Variants in SNRNP48 observed in about 807,000 individuals in gnomAD.
The protein encoded by SNRNP48 is small nuclear ribonucleoprotein U11/U12 subunit 48, also known as U11/U12 small nuclear ribonucleoprotein 48 kDa protein.
A neutral mutation model predicts 47.0 loss-of-function variants in SNRNP48; 43 were observed. The observed-to-expected ratio is 0.92, with a 90% confidence interval of 0.72 to 1.18. The LOEUF (loss-of-function observed/expected upper bound fraction) is 1.18, where lower values mean the gene tolerates loss of function less well. Ranked by LOEUF, SNRNP48 falls within the 50% of genes most tolerant of loss-of-function variation. The pLI is 0.00. For synonymous variants in SNRNP48, 138 were observed against 144.0 expected (o/e 0.96, Z 0.30); for missense variants, 396 against 422.2 (o/e 0.94, Z 0.54).
chr6:7,608,037 A>AT (rs1760164818), intron 8 of SNRNP48, among the ~76,000 whole-genome samples: 1 of 152,244 alleles, frequency 6.6e-6, no homozygotes, highest in African/African-American at 2.4e-5. Context: ...ACTTAAATAC[A>AT]TTAGAAGTCC....
chr6:7,595,079 A>G lies in SNRNP48; in HGVS notation c.384A>G (p.Lys128=). 1 of 1,599,716 alleles carries G rather than the reference A, an allele frequency of 6.3e-7. No individual in the cohort carries two copies. The highest frequency in any genetic ancestry group is 8.5e-7 in the Non-Finnish European group (1 of 1,175,404). The change falls in exon 4 of 9, where the codon AAA becomes AAG. Residue 128 remains lysine, a synonymous_variant. Transcript: ENST00000342415. ...IIKQARTAVG[K]DSDCYNQRIY... ...AACAAGCTAGAACTGCAGTTGGGAA[A>G]GACAGTGATTGTTATAATCAAAGTA...
In SNRNP48 at chr6:7,595,045, A is replaced by G. The variant is rs1030425717; in HGVS notation, c.350A>G (p.Gln117Arg). 3.1e-6 allele frequency: 5 copies of G among 1,597,814 alleles called. No homozygotes were observed. The highest frequency in any genetic ancestry group is 3.4e-6 in the Non-Finnish European group (4 of 1,174,852). ...TTGACAGATAAGGACTCACAATTCC[A>G]GATAATTAAACAAGCTAGAACTGCA... is the stretch of plus-strand genomic sequence containing the variant. ...SITLNKDSQFQIIKQARTAVG... is the reference protein window; with the variant it reads ...SITLNKDSQFRIIKQARTAVG... The change falls in exon 4 of 9, where the codon CAG becomes CGG. Residue 117 changes from glutamine (Q) to arginine (R), a missense_variant. Transcript: ENST00000342415.
intron 1 of SNRNP48, among the ~76,000 whole-genome samples, chr6:7,592,385 T>A (rs1318559226): frequency 5.9e-5 from 9 of 151,910 alleles, no homozygotes; most frequent in Non-Finnish European, 1.2e-4. Flanking sequence ...TTTTTTTTTT[T>A]TTTTAATGAA....
In SNRNP48 at chr6:7,606,136, TAAAAG is replaced by T; in HGVS notation, c.917_921del (p.Arg306LysfsTer5). The stretch of plus-strand genomic sequence containing the variant: ...GAAGGGATAGGAGTAGAAGCCCACA[TAAAAG>T]AAAAAGAAACAAAGATAAGGATAAA... On this transcript the variant is annotated frameshift_variant, in exon 8 of 9. Coordinates refer to ENST00000342415, the MANE Select transcript of SNRNP48 (RefSeq NM_152551.4). LOFTEE classifies it high-confidence loss of function. The T allele has an allele frequency of 6.2e-7, 1 of 1,613,452 alleles. No individual in the cohort carries two copies. Among genetic ancestry groups the T allele is most frequent in the Non-Finnish European group, 8.5e-7 (1 of 1,179,800 alleles).
Position 7,608,849 on chromosome 6 carries a change from TA to T in SNRNP48, c.1000del (p.Arg334GlufsTer8). On this transcript the variant is annotated frameshift_variant, in exon 9 of 9. Transcript: ENST00000342415. LOFTEE classifies it high-confidence loss of function. ...GGGATGGGGAAAGACACCATAGTCA[TA>T]AAAGAAGAAAGCAAAAAATATAAAT... ...ERDGERHHSH[K>X]RRKQKI 1 of 1,525,080 alleles carries T rather than the reference TA, an allele frequency of 6.6e-7. No homozygotes were observed. The highest frequency in any genetic ancestry group is 8.9e-7 in the Non-Finnish European group (1 of 1,120,594). The allele number at this position is 1,525,080 out of a possible 1,614,324, so 94.5% of individuals were successfully genotyped here.
At chr6:7,601,266 A>ATAAT (rs1760013867) in intron 4 of SNRNP48, 70 bp from the exon 5 acceptor site, 1 of 1,265,162 alleles carries the variant, frequency 7.9e-7, no homozygotes, top group Admixed American at 2.8e-5. Flanking sequence ...ATGTTTAAAG[A>ATAAT]TAATTATTAG....
chr6:7,605,052 G>A (rs943130882), intron 6 of SNRNP48, among the ~76,000 whole-genome samples: 3 of 151,542 alleles, frequency 2.0e-5, no homozygotes, highest in Admixed American at 1.3e-4. Flanking sequence ...TCTCGATCTC[G>A]ATCTGTACAT....
At chr6:7,595,889 C>T (rs755183065) in intron 4 of SNRNP48, among the ~76,000 whole-genome samples, 2 of 152,118 alleles carry the variant, frequency 1.3e-5, no homozygotes, top group African/African-American at 2.4e-5. Context: ...AGAGTTTCTC[C>T]CTGGGAACCT....
intron 1 of SNRNP48, among the ~76,000 whole-genome samples, chr6:7,590,682 TA>T (rs1173191863): frequency 6.6e-6 from 1 of 152,170 alleles, no homozygotes; most frequent in African/African-American, 2.4e-5. Context: ...ACTTCGAGTT[TA>T]AAGAAAACCG....
intron 4 of SNRNP48, among the ~76,000 whole-genome samples, chr6:7,596,197 C>T (rs575559465): frequency 1.1e-4 from 16 of 151,866 alleles, no homozygotes; most frequent in African/African-American, 2.7e-4. Context: ...ACCCAGGAGG[C>T]GGAGGTTTCA....
intron 1 of SNRNP48, among the ~76,000 whole-genome samples, chr6:7,592,722 T>C (rs1358971507): frequency 5.3e-5 from 8 of 152,028 alleles, no homozygotes; most frequent in African/African-American, 1.9e-4. Flanking sequence ...GCAGCAAGAC[T>C]GGAAGCAGAG....
chr6:7,601,255 CAT>C, intron 4 of SNRNP48, 79 bp from the exon 5 acceptor site: 1 of 1,141,542 alleles, frequency 8.8e-7, no homozygotes, highest in Non-Finnish European at 1.2e-6. Flanking sequence ...TATTAAAGCA[CAT>C]GTTTAAAGAT....
intron 6 of SNRNP48, among the ~76,000 whole-genome samples, chr6:7,605,196 T>C (rs558025562): frequency 6.6e-6 from 1 of 152,380 alleles, no homozygotes; most frequent in South Asian, 2.1e-4. Context: ...AAATTTAATA[T>C]TGCTGTAAAA....
intron 6 of SNRNP48, among the ~76,000 whole-genome samples, chr6:7,603,836 G>A (rs1014413755): frequency 1.3e-5 from 2 of 152,184 alleles, no homozygotes; most frequent in Admixed American, 6.5e-5. Context: ...AAGATACTTG[G>A]CTCATCAGTT....
chr6:7,598,021 C>T (rs949696565), intron 4 of SNRNP48, among the ~76,000 whole-genome samples: 30 of 151,806 alleles, frequency 2.0e-4, no homozygotes, highest in Non-Finnish European at 3.7e-4. Flanking sequence ...CCTGCCACCA[C>T]GCCTGGCTAA....
intron 8 of SNRNP48, among the ~76,000 whole-genome samples, chr6:7,608,265 CTAAGAGA>C (rs1760169291): frequency 6.6e-6 from 1 of 151,498 alleles, no homozygotes; most frequent in African/African-American, 2.4e-5. Flanking sequence ...ATTATTAAAA[CTAAGAGA>C]CAGGCCGGGC....
rs749904618 is a variant in SNRNP48 at position 7,605,465 on chromosome 6, A to G, written c.785A>G (p.Lys262Arg). The stretch of plus-strand genomic sequence containing the variant: ...AATCATTGGCAAGAAGAGCAAGAGA[A>G]GGCAGAGGATGATGCCGAAAAGTAC... ...LSNHWQEEQE[K>R]AEDDAEKNEE... The change falls in exon 7 of 9, where the codon AAG (lysine) becomes AGG (arginine). Residue 262 changes from lysine to arginine, a missense_variant. Transcript: ENST00000342415. 33 of 1,614,116 alleles carry G rather than the reference A, an allele frequency of 2.0e-5. No individual in the cohort carries two copies. The highest frequency in any genetic ancestry group is 2.6e-5 in the Non-Finnish European group (31 of 1,179,978).
intron 4 of SNRNP48, among the ~76,000 whole-genome samples, chr6:7,597,139 A>G (rs751897892): frequency 6.6e-6 from 1 of 152,162 alleles, no homozygotes; most frequent in East Asian, 1.9e-4. Flanking sequence ...TCCCCTCCAT[A>G]ATAGGTGAAG....
intron 4 of SNRNP48, among the ~76,000 whole-genome samples, chr6:7,597,957 C>A (rs919111109): frequency 3.3e-5 from 5 of 150,828 alleles, no homozygotes; most frequent in African/African-American, 1.2e-4. Flanking sequence ...GCTCTGCCAC[C>A]TGGGTTCACG....
Sources: gnomAD v4.1 joint callset for allele counts (sites outside exome capture counted in the v4.1 genomes callset) on GRCh38, gnomAD v4.1.1 for gene constraint, MANE v1.5 for transcripts, NCBI Gene and HGNC (gene_info 2026-07-23, HGNC 2026-07-21) for gene names.